Variants in SSBP2 observed in about 807,000 individuals in gnomAD.
The protein encoded by SSBP2 is single-stranded DNA-binding protein 2.
In SSBP2, 17 loss-of-function variants were observed where a neutral mutation model predicts 61.8. The observed-to-expected ratio is 0.28, with a 90% CI of 0.19 to 0.41. The LOEUF (loss-of-function observed/expected upper bound fraction) is 0.41. SSBP2 is among the 10% of genes least tolerant of loss of function. SSBP2 has a pLI of 1.00. For synonymous variants in SSBP2, 139 were observed against 141.3 expected (o/e 0.98, Z 0.12); for missense variants, 310 against 458.7 (o/e 0.68, Z 2.96).
At chr5:81,612,850 T>C (rs1257461632) in intron 4 of SSBP2, among the ~76,000 whole-genome samples, 2 of 152,042 alleles carry the variant, frequency 1.3e-5, no homozygotes, top group African/African-American at 2.4e-5. Context: ...GAATATAACA[T>C]TCTAGAATTT....
chr5:81,465,106 C>T (rs1243756130), intron 9 of SSBP2, among the ~76,000 whole-genome samples: 1 of 151,752 alleles, frequency 6.6e-6, no homozygotes, highest in African/African-American at 2.4e-5. Context: ...TTTCATTGTC[C>T]TTGAAGGAAT....
chr5:81,694,643 C>T (rs1753468619), intron 1 of SSBP2, among the ~76,000 whole-genome samples: 1 of 152,068 alleles, frequency 6.6e-6, no homozygotes, highest in Admixed American at 6.5e-5. Context: ...TCCACCCTTA[C>T]CCCACCACCA....
At chr5:81,627,471 T>A (rs1747283619) in intron 3 of SSBP2, among the ~76,000 whole-genome samples, 1 of 152,200 alleles carries the variant, frequency 6.6e-6, no homozygotes, top group Non-Finnish European at 1.5e-5. Context: ...AGTAAGCCAA[T>A]TATAAATATT....
At chr5:81,474,424 T>C in intron 7 of SSBP2, 72 bp downstream of exon 7, 1 of 1,349,416 alleles carries the variant, frequency 7.4e-7, no homozygotes, top group Middle Eastern at 1.8e-4. Context: ...ACAAATACAA[T>C]TTTCCTTAAG....
chr5:81,476,586 C>T (rs1362226719), intron 6 of SSBP2, among the ~76,000 whole-genome samples: 2 of 152,154 alleles, frequency 1.3e-5, no homozygotes, highest in Admixed American at 1.3e-4. Flanking sequence ...CATTAGAGGG[C>T]AAATTATGTT....
intron 5 of SSBP2, among the ~76,000 whole-genome samples, chr5:81,513,426 G>GTAAA (rs1357716367): frequency 2.0e-5 from 3 of 151,994 alleles, no homozygotes; most frequent in Admixed American, 6.6e-5. Flanking sequence ...AAATGACTAA[G>GTAAA]TAAATAAATA....
intron 4 of SSBP2, among the ~76,000 whole-genome samples, chr5:81,561,339 T>A (rs1359525591): frequency 6.6e-6 from 1 of 152,190 alleles, no homozygotes; most frequent in Non-Finnish European, 1.5e-5. Context: ...GGCTATTAAG[T>A]ATCTTTAAAA....
At chr5:81,528,976 G>A (rs1410340407) in intron 4 of SSBP2, among the ~76,000 whole-genome samples, 1 of 151,708 alleles carries the variant, frequency 6.6e-6, no homozygotes, top group South Asian at 2.1e-4. Context: ...AGATTTTCCC[G>A]CAATTCATTT....
chr5:81,643,595 C>CT (rs368511957), intron 2 of SSBP2, among the ~76,000 whole-genome samples: 1,715 of 60,166 alleles, frequency 0.029, 55 homozygotes, highest in African/African-American at 0.062. Flanking sequence ...TTTTTCCTTT[C>CT]TTTTTTTTTT....
chr5:81,714,221 T>A (rs1002889025), intron 1 of SSBP2, among the ~76,000 whole-genome samples: 4 of 152,206 alleles, frequency 2.6e-5, no homozygotes, highest in African/African-American at 9.7e-5. Flanking sequence ...TCCATGTCCC[T>A]GCAAAGGACA....
Position 81,444,666 on chromosome 5 carries a change from T to C in SSBP2, c.779-1943A>G, listed in dbSNP as rs148206161. ...AAAATCTTGGATTGCTTTTTAAACA[T>C]AGGAAATCTTCAAATGGTTTTTCAA... is the stretch of plus-strand genomic sequence containing the variant. On this transcript the variant is annotated intron_variant, in intron 12 of 16. Transcript: ENST00000320672. 3.0e-3 allele frequency among the ~76,000 whole-genome samples: 462 copies of C among 152,262 alleles called. 11 individuals are homozygous for C. The South Asian group carries it at 0.058, about 19-fold the overall frequency.
intron 4 of SSBP2, among the ~76,000 whole-genome samples, chr5:81,612,886 G>A (rs1745594139): frequency 6.6e-6 from 1 of 151,862 alleles, no homozygotes; most frequent in Non-Finnish European, 1.5e-5. Flanking sequence ...GTTTGTTCCT[G>A]TGTTTTCCAT....
At chr5:81,555,749 G>A (rs1772542611) in intron 4 of SSBP2, among the ~76,000 whole-genome samples, 1 of 152,026 alleles carries the variant, frequency 6.6e-6, no homozygotes, top group South Asian at 2.1e-4. Flanking sequence ...ATAAAAATGA[G>A]ATCAATGTAC....
chr5:81,478,273 G>C (rs968555721), intron 6 of SSBP2, among the ~76,000 whole-genome samples: 16 of 151,976 alleles, frequency 1.1e-4, no homozygotes, highest in Non-Finnish European at 2.4e-4. Context: ...GCTATCCTCT[G>C]CTGCAGCCTC....
At chr5:81,450,446 T>A (rs762770471) in intron 10 of SSBP2, among the ~76,000 whole-genome samples, 1 of 152,200 alleles carries the variant, frequency 6.6e-6, no homozygotes, top group Non-Finnish European at 1.5e-5. Flanking sequence ...TCACTCTATA[T>A]TGCCTATCAT....
At chr5:81,613,571 C>T (rs1031437953) in intron 4 of SSBP2, among the ~76,000 whole-genome samples, 1 of 152,202 alleles carries the variant, frequency 6.6e-6, no homozygotes, top group African/African-American at 2.4e-5. Context: ...CAGTAGGGTA[C>T]ATCTTTCTAC....
At chr5:81,576,849 C>T (rs1347351785) in intron 4 of SSBP2, among the ~76,000 whole-genome samples, 1 of 151,934 alleles carries the variant, frequency 6.6e-6, no homozygotes, top group Non-Finnish European at 1.5e-5. Flanking sequence ...TTTAAAAGTA[C>T]AGCAGTCTAA....
intron 1 of SSBP2, among the ~76,000 whole-genome samples, chr5:81,667,138 T>C (rs1351531895): frequency 6.6e-6 from 1 of 152,108 alleles, no homozygotes; most frequent in East Asian, 1.9e-4. Context: ...CATCCTAGCT[T>C]TTTGCCTCAG....
At chr5:81,554,346 C>T (rs1208227839) in intron 4 of SSBP2, among the ~76,000 whole-genome samples, 8 of 151,584 alleles carry the variant, frequency 5.3e-5, no homozygotes, top group Non-Finnish European at 8.8e-5. Flanking sequence ...TTCTTTCATT[C>T]AAAACCATTT....
Sources: gnomAD v4.1 joint callset for allele counts (sites outside exome capture counted in the v4.1 genomes callset) on GRCh38, gnomAD v4.1.1 for gene constraint, MANE v1.5 for transcripts, NCBI Gene and HGNC (gene_info 2026-07-23, HGNC 2026-07-21) for gene names.